Variants in ASTN2 observed in about 807,000 individuals in gnomAD.
ASTN2 encodes the protein astrotactin-2.
A neutral mutation model predicts 139.8 loss-of-function variants in ASTN2; 54 were observed. That is an observed-to-expected ratio of 0.39 (90% CI 0.31 to 0.48). ASTN2 has a LOEUF of 0.48. Ranked by LOEUF, ASTN2 falls within the 20% of genes least tolerant of loss-of-function variation. The probability of loss-of-function intolerance (pLI) is 0.95; values close to 1 mark genes in which losing one functional copy is unlikely to be tolerated. For synonymous variants in ASTN2, 756 were observed against 719.5 expected (o/e 1.05, Z -0.81); for missense variants, 1,565 against 1,725.1 (o/e 0.91, Z 1.64).
At chr9:116,798,949 A>T (rs1046386305) in intron 13 of ASTN2, among the ~76,000 whole-genome samples, 1 of 152,128 alleles carries the variant, frequency 6.6e-6, no homozygotes, top group African/African-American at 2.4e-5. Context: ...TGATACATTC[A>T]TTTCCTTTTA....
At chr9:116,763,586 T>C (rs1175767439) in intron 13 of ASTN2, among the ~76,000 whole-genome samples, 1 of 152,118 alleles carries the variant, frequency 6.6e-6, no homozygotes, top group African/African-American at 2.4e-5. Context: ...CAGCCTCGGT[T>C]TGTTTAAGGA....
chr9:117,364,450 T>C (rs964627734), intron 1 of ASTN2, among the ~76,000 whole-genome samples: 16 of 152,334 alleles, frequency 1.1e-4, no homozygotes, highest in African/African-American at 3.8e-4. Context: ...AATATGAGCC[T>C]TTTGAACTTG....
intron 7 of ASTN2, among the ~76,000 whole-genome samples, chr9:116,982,781 G>A (rs1836547819): frequency 6.6e-6 from 1 of 152,156 alleles, no homozygotes; most frequent in Admixed American, 6.5e-5. Context: ...TGCAGAGGCT[G>A]AGATCTTGTT....
chr9:116,633,365 G>A (rs911364841), intron 17 of ASTN2, among the ~76,000 whole-genome samples: 8 of 152,138 alleles, frequency 5.3e-5, no homozygotes, highest in African/African-American at 1.2e-4. Flanking sequence ...CCTACAAGGC[G>A]TTGCTCCTGG....
chr9:117,411,470 A>G (rs1175440959), intron 1 of ASTN2, among the ~76,000 whole-genome samples: 19 of 147,224 alleles, frequency 1.3e-4, no homozygotes, highest in Non-Finnish European at 3.0e-5. Context: ...AAAAAAAAAA[A>G]GACTTGCTTC....
At chr9:117,401,070 C>T (rs1054592617) in intron 1 of ASTN2, among the ~76,000 whole-genome samples, 2 of 152,206 alleles carry the variant, frequency 1.3e-5, no homozygotes, top group African/African-American at 2.4e-5. Flanking sequence ...TACTAAGTGC[C>T]GGGTACTGCT....
intron 2 of ASTN2, among the ~76,000 whole-genome samples, chr9:117,284,151 C>T (rs924765059): frequency 1.3e-5 from 2 of 152,106 alleles, no homozygotes; most frequent in East Asian, 1.9e-4. Flanking sequence ...GGGACCCAGT[C>T]AGAGTGCAGC....
At chr9:116,534,766 G>A (rs768668296) in intron 19 of ASTN2, among the ~76,000 whole-genome samples, 8 of 152,186 alleles carry the variant, frequency 5.3e-5, no homozygotes, top group Non-Finnish European at 8.8e-5. Context: ...TTGCTGAGGA[G>A]TGCTTTACTT....
intron 5 of ASTN2, among the ~76,000 whole-genome samples, chr9:117,047,722 A>C (rs1838785431): frequency 6.6e-6 from 1 of 152,088 alleles, no homozygotes; most frequent in Non-Finnish European, 1.5e-5. Flanking sequence ...TTCTTTCTTC[A>C]AACCAAACAC....
chr9:116,447,616 G>A (rs193255008), intron 20 of ASTN2, among the ~76,000 whole-genome samples: 3 of 152,212 alleles, frequency 2.0e-5, no homozygotes, highest in East Asian at 3.9e-4. Context: ...CTGGCTTCTC[G>A]TACATTGGCT....
intron 3 of ASTN2, among the ~76,000 whole-genome samples, chr9:117,182,696 G>A (rs1248065104): frequency 2.0e-5 from 3 of 151,944 alleles, no homozygotes; most frequent in Non-Finnish European, 2.9e-5. Flanking sequence ...CAGAAGAAAA[G>A]CTTTCATCTT....
intron 2 of ASTN2, among the ~76,000 whole-genome samples, chr9:117,274,064 G>A (rs1834127362): frequency 2.0e-5 from 3 of 152,282 alleles, no homozygotes; most frequent in South Asian, 4.1e-4. Context: ...AAAGTCTGGA[G>A]TGGAGGTCTG....
intron 2 of ASTN2, among the ~76,000 whole-genome samples, chr9:117,216,595 T>C (rs1341927327): frequency 1.3e-5 from 2 of 152,174 alleles, no homozygotes; most frequent in African/African-American, 2.4e-5. Flanking sequence ...ATACCAGAGG[T>C]GATTATGTAT....
chr9:116,608,101 T>C (rs1337397918), intron 19 of ASTN2, among the ~76,000 whole-genome samples: 1 of 152,220 alleles, frequency 6.6e-6, no homozygotes, highest in Non-Finnish European at 1.5e-5. Flanking sequence ...TTCAAGCCAC[T>C]GTTCAGGGAG....
intron 20 of ASTN2, among the ~76,000 whole-genome samples, chr9:116,447,537 AC>A (rs1224321738): frequency 6.6e-6 from 1 of 152,162 alleles, no homozygotes; most frequent in African/African-American, 2.4e-5. Context: ...TTGAAAGGTT[AC>A]TAAAATGAAT....
intron 10 of ASTN2, among the ~76,000 whole-genome samples, chr9:116,944,833 T>C (rs866322085): frequency 1.3e-5 from 2 of 152,138 alleles, no homozygotes; most frequent in Non-Finnish European, 2.9e-5. Flanking sequence ...TATGAGGAAC[T>C]GGATTACATC....
intron 1 of ASTN2, among the ~76,000 whole-genome samples, chr9:117,369,027 T>G (rs1035842956): frequency 6.6e-6 from 1 of 152,144 alleles, no homozygotes; most frequent in African/African-American, 2.4e-5. Flanking sequence ...TAGAAAATCT[T>G]ACAACAAACA....
intron 5 of ASTN2, among the ~76,000 whole-genome samples, chr9:117,081,924 A>G (rs1453652780): frequency 6.6e-6 from 1 of 152,200 alleles, no homozygotes; most frequent in African/African-American, 2.4e-5. Context: ...GTCAGCTGCA[A>G]TGGCAGTCCA....
chr9:116,632,205 A>AGAAAGAGAGAAAGAAAGAAAGAAAG (rs1554723308), intron 17 of ASTN2, among the ~76,000 whole-genome samples: 1 of 45,302 alleles, frequency 2.2e-5, no homozygotes, highest in African/African-American at 1.1e-4. Flanking sequence ...AGAAAGAAAG[A>AGAAAGAGAGAAAGAAAGAAAGAAAG]AAAGAAAGAA....
Sources: allele counts gnomAD v4.1 joint callset (sites outside exome capture counted in the v4.1 genomes callset), GRCh38; gene constraint gnomAD v4.1.1; transcripts MANE v1.5; gene names NCBI Gene and HGNC (gene_info 2026-07-23, HGNC 2026-07-21).